The following SYNE1 variants were observed in gnomAD, a reference collection of about 807,000 sequenced individuals.
SYNE1 encodes nesprin-1.
In SYNE1, 616 loss-of-function variants were observed where a neutral mutation model predicts 1,111.0. The ratio of observed to expected loss-of-function variants is 0.55; its 90% CI spans 0.52 to 0.59. The LOEUF (loss-of-function observed/expected upper bound fraction) is 0.59, where lower values mean the gene tolerates loss of function less well. Ranked by LOEUF, SYNE1 falls within the 20% of genes least tolerant of loss-of-function variation. The pLI, the probability that SYNE1 is intolerant of heterozygous loss-of-function variation, is 0.00. For synonymous variants in SYNE1, 3,855 were observed against 3,825.8 expected, an observed-to-expected ratio of 1.01 and a Z score of -0.28; for missense variants, 10,006 against 10,417.0, an observed-to-expected ratio of 0.96 and a Z score of 1.72.
chr6:152,389,740 G>C (rs2097579023), intron 53 of SYNE1, among the ~76,000 whole-genome samples: 1 of 152,178 alleles, frequency 6.6e-6, no homozygotes, highest in Admixed American at 6.5e-5. Context: ...TTGGTTGTGG[G>C]AGAATGTTCC....
chr6:152,196,992 G>A (rs1409319134), intron 127 of SYNE1, among the ~76,000 whole-genome samples: 1 of 152,192 alleles, frequency 6.6e-6, no homozygotes, highest in Non-Finnish European at 1.5e-5. Context: ...TAGGTCTTGT[G>A]TAAATGCTCC....
chr6:152,202,813 G>A (rs1296755942), intron 126 of SYNE1, among the ~76,000 whole-genome samples: 1 of 152,110 alleles, frequency 6.6e-6, no homozygotes, highest in African/African-American at 2.4e-5. Flanking sequence ...TACAGAAAGA[G>A]AAATATGCAC....
At position 152,164,283 on chromosome 6, in the gene SYNE1, A is replaced by C. The variant is rs1224760572; in HGVS notation, c.23670T>G (p.Leu7890=). ...TCCTCAGGCTGCTCATGTTCTTATC[A>C]AGCTGCTGCACGGCTACCAGGGTCT... ...LKETLVAVQQ[L]DKNMSSLRTW... is the part of the protein sequence containing the mutation. The change falls in exon 131 of 146, where the codon CTT becomes CTG. Residue 7890 remains leucine, a synonymous_variant. Transcript: ENST00000367255. The C allele has an allele frequency of 3.7e-6, 6 of 1,614,102 alleles. No individual in the cohort carries two copies. In the East Asian group the frequency reaches 1.1e-4, roughly 30 times the overall value.
rs145075038 is a variant in SYNE1, at chr6:152,532,899, G to A, written c.130-6724C>T. Among the ~76,000 whole-genome samples, 32 of 152,206 alleles carry A rather than the reference G, an allele frequency of 2.1e-4. No homozygotes were observed. The East Asian group carries it at 5.8e-3, about 28-fold the overall frequency. ...CAGCAAGTTAAACAACAGTAATATA[G>A]AGAAGTGGGAAGGAAGAGAGGTTAA... On this transcript the variant is annotated intron_variant, in intron 4 of 145. Coordinates refer to ENST00000367255, the MANE Select transcript of SYNE1 (RefSeq NM_182961.4).
Position 152,433,851 on chromosome 6 carries a change from G to A in SYNE1, c.4405C>T (p.Leu1469Phe). ...SVWITEKEKE[L>F]NALETSSSAM... ...GATGACGAAGTTTCCAAGGCATTGA[G>A]TTCTTTTTCTTTCTCAGTTATCCAG... The change falls in exon 34 of 146, where the codon CTC becomes TTC. Residue 1469 changes from leucine to phenylalanine, a missense_variant. Around this residue, in one of 7 missense-constraint regions of SYNE1, gnomAD observed 1,971 missense variants for 2,084.1 expected, o/e 0.95. Transcript: ENST00000367255. 6.2e-7 allele frequency: 1 copy of A among 1,613,858 alleles called. No individual in the cohort carries two copies. The highest frequency in any genetic ancestry group is 8.5e-7 in the Non-Finnish European group (1 of 1,179,822).
intron 76 of SYNE1, chr6:152,335,251 A>G (rs1457892597): frequency 6.6e-6 from 1 of 152,234 alleles, no homozygotes; most frequent in African/African-American, 2.4e-5. Context: ...GCTAGGTTCA[A>G]TCACAATTAA....
chr6:152,556,700 C>G (rs1480935388), intron 3 of SYNE1, among the ~76,000 whole-genome samples: 1 of 152,114 alleles, frequency 6.6e-6, no homozygotes, highest in African/African-American at 2.4e-5. Context: ...ACCATCTGTC[C>G]CCTGACGAAA....
chr6:152,610,943 C>T (rs2099629547), intron 3 of SYNE1, among the ~76,000 whole-genome samples: 1 of 152,110 alleles, frequency 6.6e-6, no homozygotes. Flanking sequence ...CAAGCAAATG[C>T]TGAGAGATTT....
chr6:152,481,383 A>G (rs570591782), intron 14 of SYNE1: 12 of 278,744 alleles, frequency 4.3e-5, no homozygotes, highest in Middle Eastern at 2.3e-3. Flanking sequence ...CTCAATAAAT[A>G]TACATTCTAC....
intron 3 of SYNE1, among the ~76,000 whole-genome samples, chr6:152,570,743 A>G (rs2099448897): frequency 1.3e-5 from 2 of 152,170 alleles, no homozygotes; most frequent in Admixed American, 6.5e-5. Flanking sequence ...TCCTTCTACA[A>G]ATTAATAAAG....
chr6:152,505,377 T>C lies in SYNE1; in HGVS notation c.602A>G (p.Lys201Arg). ...TAGKQTGIEV[K>R]DFGKSWRSGV... Reference sequence around the variant, plus strand: ...GCTTCTCCAACTCTTCCCAAAATCTTTTACTTCTATTCCAGTCTGCCTTTG... The same window carrying C: ...GCTTCTCCAACTCTTCCCAAAATCTCTTACTTCTATTCCAGTCTGCCTTTG... The change falls in exon 9 of 146, where the codon AAA becomes AGA. Residue 201 changes from lysine (K) to arginine (R), a missense_variant. Transcript: ENST00000367255. 6.2e-7 allele frequency: 1 copy of C among 1,613,992 alleles called. No individual in the cohort carries two copies. The highest frequency in any genetic ancestry group is 8.5e-7 in the Non-Finnish European group (1 of 1,180,004).
chr6:152,363,298 T>C (rs1177297898), intron 63 of SYNE1, among the ~76,000 whole-genome samples: 3 of 146,810 alleles, frequency 2.0e-5, no homozygotes, highest in Non-Finnish European at 4.5e-5. Flanking sequence ...ATCAAGGCCA[T>C]CCTGGCTAAC....
intron 39 of SYNE1, among the ~76,000 whole-genome samples, chr6:152,422,684 T>A (rs997841673): frequency 2.6e-5 from 4 of 151,956 alleles, no homozygotes; most frequent in African/African-American, 9.7e-5. Context: ...TTGAAAAAAA[T>A]TTATTGTAAA....
At chr6:152,458,368 G>A (rs573494905) in intron 22 of SYNE1, among the ~76,000 whole-genome samples, 3 of 152,220 alleles carry the variant, frequency 2.0e-5, no homozygotes, top group African/African-American at 7.2e-5. Flanking sequence ...TGGCTTACGC[G>A]TGCACACAGC....
In SYNE1 at chr6:152,157,610, C is replaced by T. The variant is rs577416229; in HGVS notation, c.23791-1513G>A. 1.6e-4 allele frequency among the ~76,000 whole-genome samples: 25 copies of T among 152,246 alleles called. No individual in the cohort carries two copies. The East Asian group carries it at 3.9e-3, about 23-fold the overall frequency. ...TAGAAATAATAAATACCAGAGGTGACGGACACCCCAAATACCCTGACTTGA... is the reference window on the plus strand; with the variant it reads ...TAGAAATAATAAATACCAGAGGTGATGGACACCCCAAATACCCTGACTTGA... On this transcript the variant is annotated intron_variant, in intron 131 of 145. Coordinates refer to ENST00000367255, the MANE Select transcript of SYNE1 (RefSeq NM_182961.4).
intron 50 of SYNE1, 122 bp from the exon 51 acceptor site, chr6:152,395,793 A>G: frequency 9.7e-7 from 1 of 1,029,434 alleles, no homozygotes; most frequent in Non-Finnish European, 1.5e-6. Context: ...TTCAAGTGAC[A>G]AAAACAAAAC....
intron 97 of SYNE1, among the ~76,000 whole-genome samples, chr6:152,278,875 C>A (rs2153711854): frequency 6.6e-6 from 1 of 152,180 alleles, no homozygotes; most frequent in South Asian, 2.1e-4. Context: ...TCAAGGGATC[C>A]CCTTGCCTGA....
Position 152,369,100 on chromosome 6 carries a change from C to T in SYNE1, c.9679G>A (p.Glu3227Lys), listed in dbSNP as rs1024177161. The part of the protein sequence containing the change: ...QSVLEEIHCY[E>K]PQLNRLKEKA... ...TCTTTCAGCCTGTTGAGCTGAGGCT[C>T]GTAGCAGTGTATTTCCTCAAGGACA... Residue 3227 changes from glutamate (E) to lysine (K), a missense_variant, in exon 61 of 146, where the codon GAG (glutamate) becomes AAG (lysine). This residue lies in a region of SYNE1 where 4,955 missense variants were observed against 5,017.2 expected (regional missense o/e 0.99). Coordinates refer to ENST00000367255, the MANE Select transcript of SYNE1 (RefSeq NM_182961.4). The T allele has an allele frequency of 1.2e-5, 19 of 1,613,780 alleles. No homozygotes were observed. The highest frequency in any genetic ancestry group is 1.0e-4 in the Admixed American group (6 of 59,994).
intron 56 of SYNE1, among the ~76,000 whole-genome samples, chr6:152,378,840 G>A (rs1009999624): frequency 6.6e-5 from 10 of 152,190 alleles, no homozygotes; most frequent in South Asian, 2.1e-4. Context: ...TTATGCTTGC[G>A]TATCTCCCCA....
Sources: gnomAD v4.1 joint callset for allele counts (sites outside exome capture counted in the v4.1 genomes callset) on GRCh38, gnomAD v4.1.1 for gene constraint, gnomAD v4.1.1 regional missense constraint, MANE v1.5 for transcripts, NCBI Gene and HGNC (gene_info 2026-07-23, HGNC 2026-07-21) for gene names.